The following SLF2 variants were observed in gnomAD, a reference collection of about 807,000 sequenced individuals.
SLF2 encodes SMC5-SMC6 complex localization factor protein 2.
Under a neutral mutation model 124.3 loss-of-function variants are expected in SLF2, and 68 were observed. That is an observed-to-expected ratio of 0.55 (90% CI 0.45 to 0.67). SLF2 has a LOEUF of 0.67. Among genes scored for constraint, SLF2 ranks in the 30% least tolerant of loss-of-function variants. The pLI, the probability that SLF2 is intolerant of heterozygous loss-of-function variation, is 0.00. For missense variants in SLF2, 1,246 were observed against 1,373.7 expected, an observed-to-expected ratio of 0.91 and a Z score of 1.47; for synonymous variants, 480 against 478.8, an observed-to-expected ratio of 1.00 and a Z score of -0.03.
intron 4 of SLF2, among the ~76,000 whole-genome samples, chr10:100,922,003 A>G (rs185764634): frequency 1.1e-4 from 16 of 152,352 alleles, no homozygotes; most frequent in Admixed American, 1.0e-3. Flanking sequence ...ATTTTTATAA[A>G]TTGAATTTTT....
Position 100,950,770 on chromosome 10 carries a change from G to A in SLF2, c.3330+17G>A. 1 of 1,602,052 alleles carries A rather than the reference G, an allele frequency of 6.2e-7. No homozygotes were observed. Among genetic ancestry groups the A allele is most frequent in the South Asian group, 1.1e-5 (1 of 90,768 alleles). On this transcript the variant is annotated intron_variant, in intron 17 of 19. Transcript: ENST00000238961. The stretch of plus-strand genomic sequence containing the variant: ...GGACAACGGGTAGGTAGTGTTTAGT[G>A]TTGTTGCTGCTGTTTTTAAATAGGT...
intron 1 of SLF2, among the ~76,000 whole-genome samples, chr10:100,915,274 T>A (rs1280483060): frequency 7.9e-5 from 12 of 152,234 alleles, no homozygotes; most frequent in Non-Finnish European, 1.3e-4. Context: ...GATTCTTTGA[T>A]AAAAAATTAA....
intron 19 of SLF2, among the ~76,000 whole-genome samples, chr10:100,960,538 A>G (rs543243468): frequency 2.0e-5 from 3 of 152,288 alleles, no homozygotes; most frequent in South Asian, 2.1e-4. Context: ...TCATATGCCT[A>G]TTGGTCATTT....
At chr10:100,958,061 T>G (rs1288244281) in intron 18 of SLF2, among the ~76,000 whole-genome samples, 3 of 152,018 alleles carry the variant, frequency 2.0e-5, no homozygotes, top group Non-Finnish European at 4.4e-5. Context: ...AAAATAATAA[T>G]AATAAATAAA....
chr10:100,943,159 G>A (rs1304497968), intron 11 of SLF2, among the ~76,000 whole-genome samples: 1 of 152,172 alleles, frequency 6.6e-6, no homozygotes. Context: ...TTTAGGTATG[G>A]TTGAAAAGGG....
intron 1 of SLF2, chr10:100,913,775 C>T (rs1248977112): frequency 8.1e-6 from 8 of 986,036 alleles, no homozygotes; most frequent in Middle Eastern, 5.2e-4. Context: ...AGTAACTTCA[C>T]GCCTCTCCAA....
At chr10:100,934,503 G>T (rs979571906) in intron 9 of SLF2, among the ~76,000 whole-genome samples, 2 of 151,482 alleles carry the variant, frequency 1.3e-5, no homozygotes, top group Non-Finnish European at 2.9e-5. Flanking sequence ...CATAGCAGAA[G>T]TTTTTTTTTC....
chr10:100,955,045 T>C (rs1198822275), intron 17 of SLF2, among the ~76,000 whole-genome samples: 1 of 151,050 alleles, frequency 6.6e-6, no homozygotes, highest in Non-Finnish European at 1.5e-5. Context: ...GTACACGCCA[T>C]TCTCCTGCCC....
chr10:100,923,153 A>G (rs2133764431), intron 4 of SLF2, among the ~76,000 whole-genome samples: 1 of 152,270 alleles, frequency 6.6e-6, no homozygotes, highest in Admixed American at 6.5e-5. Flanking sequence ...GCTATAATAA[A>G]TATAGCTTAT....
intron 11 of SLF2, among the ~76,000 whole-genome samples, chr10:100,939,577 C>G (rs1363878755): frequency 6.6e-6 from 1 of 151,032 alleles, no homozygotes; most frequent in Non-Finnish European, 1.5e-5. Flanking sequence ...ACTTGGGAGG[C>G]TGAGGCAGGA....
intron 11 of SLF2, among the ~76,000 whole-genome samples, chr10:100,942,480 A>T (rs1387560576): frequency 6.6e-6 from 1 of 151,994 alleles, no homozygotes; most frequent in African/African-American, 2.4e-5. Flanking sequence ...CTCTCCAGGT[A>T]CTCCACCTTC....
At chr10:100,946,085 C>T (rs2133813401) in intron 13 of SLF2, among the ~76,000 whole-genome samples, 1 of 152,096 alleles carries the variant, frequency 6.6e-6, no homozygotes, top group African/African-American at 2.4e-5. Flanking sequence ...TTTGTTAGGC[C>T]TTTTTAAAAA....
chr10:100,947,195 C>A, intron 14 of SLF2, 59 bp downstream of exon 14: 1 of 980,878 alleles, frequency 1.0e-6, no homozygotes, highest in Non-Finnish European at 1.5e-6. Context: ...TAATGAAATG[C>A]CTTGGGTTGT....
intron 4 of SLF2, among the ~76,000 whole-genome samples, chr10:100,922,856 A>G (rs537058730): frequency 6.6e-6 from 1 of 151,530 alleles, no homozygotes; most frequent in African/African-American, 2.4e-5. Flanking sequence ...GCTCAGTGCA[A>G]CCACCACCTC....
Position 100,965,103 on chromosome 10 carries a change from GTGC to G in SLF2, c.*3193_*3195del. ...AAGTCCTATGAATGTGTGTGTGTGT[GTGC>G]TATTAAAACTGCTTTTTCTCAGTTT... On this transcript the variant is annotated 3_prime_UTR_variant, in exon 20 of 20. Coordinates refer to ENST00000238961, the MANE Select transcript of SLF2 (RefSeq NM_018121.4). The surrounding 1 kb of genome is among the most constrained non-coding windows in gnomAD (Gnocchi z 4.1). The G allele has an allele frequency of 6.7e-6, 1 of 149,552 alleles. No homozygotes were observed. Among genetic ancestry groups the G allele is most frequent in the African/African-American group, 2.5e-5 (1 of 40,418 alleles). The allele number at this position is 149,552 out of a possible 1,614,324, so 9.3% of individuals were successfully genotyped here. A position where few individuals can be genotyped will look rare whatever the true frequency, so the allele number is the denominator to read the frequency against.
chr10:100,961,842 T>C, intron 19 of SLF2, 35 bp from the exon 20 acceptor site: 1 of 1,594,620 alleles, frequency 6.3e-7, no homozygotes, highest in Non-Finnish European at 8.6e-7. Flanking sequence ...GATTAAATTT[T>C]GCTTTACCCT....
rs1850434764 is a variant in SLF2 at position 100,961,998 on chromosome 10, C to T, written c.*86C>T. The stretch of plus-strand genomic sequence containing the variant: ...GAGTAGAAAGGATTATTACAGAATC[C>T]AATGAATGCCAAGAAAATGTACAGC... On this transcript the variant is annotated 3_prime_UTR_variant, in exon 20 of 20. Transcript: ENST00000238961. The T allele has an allele frequency of 8.4e-7, 1 of 1,189,224 alleles. No homozygotes were observed. Among genetic ancestry groups the T allele is most frequent in the East Asian group, 2.5e-5 (1 of 40,178 alleles). The allele number at this position is 1,189,224 out of a possible 1,614,324, so 73.7% of individuals were successfully genotyped here.
At chr10:100,958,339 A>C (rs148473330) in intron 18 of SLF2, among the ~76,000 whole-genome samples, 125 of 152,368 alleles carry the variant, frequency 8.2e-4, no homozygotes, top group African/African-American at 2.8e-3. Context: ...TGAAGTTATC[A>C]GATTTCTGAT....
chr10:100,937,489 A>G lies in SLF2; in HGVS notation c.2512+12A>G, dbSNP rs377738027. 528 of 1,477,398 alleles carry G rather than the reference A, an allele frequency of 3.6e-4. No homozygotes were observed. The highest frequency in any genetic ancestry group is 4.7e-4 in the Non-Finnish European group (500 of 1,056,118). The allele number at this position is 1,477,398 out of a possible 1,614,324, so 91.5% of individuals were successfully genotyped here. ...AACAATTAGAAATGGTAAGTATATC[A>G]ACTTATTAAGATTTACCGTGTGTAT... On this transcript the variant is annotated intron_variant, in intron 10 of 19. Transcript: ENST00000238961.
Sources: allele counts gnomAD v4.1 joint callset (sites outside exome capture counted in the v4.1 genomes callset), GRCh38; gene constraint gnomAD v4.1.1; non-coding constraint Gnocchi (gnomAD v3.1); transcripts MANE v1.5; gene names NCBI Gene and HGNC (gene_info 2026-07-23, HGNC 2026-07-21).